The following SHOC1 variants were observed in gnomAD, a reference collection of about 807,000 sequenced individuals.
The protein encoded by SHOC1 is shortage in chiasmata 1.
In SHOC1, 136 loss-of-function variants were observed where a neutral mutation model predicts 179.2. The ratio of observed to expected loss-of-function variants is 0.76; its 90% CI spans 0.66 to 0.87. The LOEUF (loss-of-function observed/expected upper bound fraction) is 0.87, where lower values mean the gene tolerates loss of function less well. Ranked by LOEUF, SHOC1 falls within the 40% of genes least tolerant of loss-of-function variation. The pLI is 0.00. For synonymous variants in SHOC1, 489 were observed against 586.6 expected (o/e 0.83, Z 2.41); for missense variants, 1,538 against 1,700.8 (o/e 0.90, Z 1.68).
intron 4 of SHOC1, among the ~76,000 whole-genome samples, chr9:111,779,400 T>C (rs1835953831): frequency 6.6e-6 from 1 of 152,188 alleles, no homozygotes; most frequent in South Asian, 2.1e-4. Flanking sequence ...AGATGATCTC[T>C]AAGATCTTTT....
intron 5 of SHOC1, among the ~76,000 whole-genome samples, chr9:111,763,407 TATC>T (rs1835222386): frequency 1.3e-5 from 2 of 151,690 alleles, no homozygotes; most frequent in Admixed American, 1.3e-4. Flanking sequence ...GGAAGAAAAA[TATC>T]ATTAAAATTT....
chr9:111,706,804 A>G, intron 19 of SHOC1, 58 bp from the exon 20 acceptor site: 3 of 1,212,494 alleles, frequency 2.5e-6, no homozygotes, highest in South Asian at 3.9e-5. Context: ...ATTTTGTTGA[A>G]CTATTAAAAG....
At chr9:111,743,902 C>A (rs954000942) in intron 10 of SHOC1, among the ~76,000 whole-genome samples, 1 of 152,092 alleles carries the variant, frequency 6.6e-6, no homozygotes, top group African/African-American at 2.4e-5. Flanking sequence ...TTATCTCTTG[C>A]TGGTAAATGT....
At chr9:111,719,047 C>A (rs1832922645) in intron 15 of SHOC1, among the ~76,000 whole-genome samples, 1 of 152,002 alleles carries the variant, frequency 6.6e-6, no homozygotes, top group Admixed American at 6.5e-5. Context: ...AAGATCAAGG[C>A]AAATATGTAG....
At chr9:111,737,074 G>C (rs2131477947) in intron 12 of SHOC1, among the ~76,000 whole-genome samples, 1 of 152,288 alleles carries the variant, frequency 6.6e-6, no homozygotes, top group African/African-American at 2.4e-5. Context: ...AGGCTGGTAA[G>C]GCTGTGGAGA....
At chr9:111,715,026 A>T (rs999109535) in intron 16 of SHOC1, among the ~76,000 whole-genome samples, 19 of 152,198 alleles carry the variant, frequency 1.2e-4, no homozygotes, top group African/African-American at 4.6e-4. Context: ...TTATTTATGT[A>T]TATCACTTAG....
intron 12 of SHOC1, among the ~76,000 whole-genome samples, chr9:111,736,246 C>T (rs1263331100): frequency 1.3e-5 from 2 of 152,076 alleles, no homozygotes; most frequent in African/African-American, 4.8e-5. Flanking sequence ...AAAAAAGAAC[C>T]TGAGTAGACA....
rs1831204795 is a variant in SHOC1, at chr9:111,687,014, C to T, written c.4427-144G>A. ...AGGCTGGAGTGTAGTGGCGCAATCT[C>T]GGCTCACTTGCAACATCTGCCTCCT... On this transcript the variant is annotated intron_variant, in intron 27 of 27. Transcript: ENST00000682961. 5 of 420,058 alleles carry T rather than the reference C, an allele frequency of 1.2e-5. 1 individual carries two copies. Among genetic ancestry groups the T allele is most frequent in the South Asian group, 8.7e-5 (3 of 34,636 alleles). 26.0% of individuals were successfully genotyped at this position (420,058 alleles called of 1,614,324 possible).
chr9:111,762,737 C>T (rs1216422065), intron 5 of SHOC1, among the ~76,000 whole-genome samples: 1 of 152,078 alleles, frequency 6.6e-6, no homozygotes, highest in Non-Finnish European at 1.5e-5. Flanking sequence ...GGAAATGCTT[C>T]TAATATTTCA....
Position 111,786,011 on chromosome 9 carries a change from T to G in SHOC1, c.70A>C (p.Arg24=). The change falls in exon 3 of 28, where the codon AGA becomes CGA. Residue 24 remains arginine, a synonymous_variant. Transcript: ENST00000682961. ...GGGATTCGAAGCAATAAAGCATCTC[T>G]GTAAAACTTCTTTCTAACCACATTC... ...YENVVRKKFY[R]DALLLRIPSC... 6.6e-7 allele frequency: 1 copy of G among 1,508,718 alleles called. No individual in the cohort carries two copies. The highest frequency in any genetic ancestry group is 8.9e-7 in the Non-Finnish European group (1 of 1,129,758). 93.5% of individuals were successfully genotyped at this position (1,508,718 alleles called of 1,614,324 possible). A position where few individuals can be genotyped will look rare whatever the true frequency, so the allele number is the denominator to read the frequency against.
In SHOC1 at chr9:111,686,470, C is replaced by T. The variant is rs1831164819; in HGVS notation, c.*300G>A. On this transcript the variant is annotated 3_prime_UTR_variant, in exon 28 of 28. Coordinates refer to ENST00000682961, the MANE Select transcript of SHOC1 (RefSeq NM_001378211.1). ...GGGTTAACTGTGATGATCTTCACTT[C>T]CTGACTCAAAGGGTCAGACTGTGAT... The T allele has an allele frequency of 5.7e-6, 1 of 175,042 alleles. No homozygotes were observed. The highest frequency in any genetic ancestry group is 1.2e-5 in the Non-Finnish European group (1 of 83,274). The allele number at this position is 175,042 out of a possible 1,614,324, so 10.8% of individuals were successfully genotyped here. A position where few individuals can be genotyped will look rare whatever the true frequency, so the allele number is the denominator to read the frequency against.
At chr9:111,759,122 T>C in intron 5 of SHOC1, 2 of 1,572,180 alleles carry the variant, frequency 1.3e-6, no homozygotes, top group Non-Finnish European at 1.7e-6. Context: ...TCAATAAAGA[T>C]TAATCAATGG....
chr9:111,711,571 G>T (rs12335932), intron 18 of SHOC1, among the ~76,000 whole-genome samples: 8,659 of 152,126 alleles, frequency 0.057, 612 homozygotes, highest in African/African-American at 0.17. Context: ...ATCTTTTCTG[G>T]TCATGTGACA....
chr9:111,765,817 A>C (rs1252350266), intron 5 of SHOC1, among the ~76,000 whole-genome samples: 2 of 151,480 alleles, frequency 1.3e-5, no homozygotes, highest in Non-Finnish European at 2.9e-5. Context: ...AGGTTCAAAC[A>C]ATTCTCCTGC....
At chr9:111,693,421 CAAAAAAAAAAAAA>C (rs59200447) in intron 26 of SHOC1, among the ~76,000 whole-genome samples, 2 of 85,826 alleles carry the variant, frequency 2.3e-5, no homozygotes, top group African/African-American at 8.1e-5. Flanking sequence ...CCCGTTTCTA[CAAAAAAAAAAAAA>C]AAAAAAAAAA....
At chr9:111,787,539 G>T (rs1836304142) in intron 2 of SHOC1, among the ~76,000 whole-genome samples, 1 of 152,148 alleles carries the variant, frequency 6.6e-6, no homozygotes, top group Non-Finnish European at 1.5e-5. Flanking sequence ...CTGAAGTTGT[G>T]GTTGAATTAC....
chr9:111,686,848 T>C lies in SHOC1; in HGVS notation c.4449A>G (p.Pro1483=). 3 of 1,613,052 alleles carry C rather than the reference T, an allele frequency of 1.9e-6. No individual in the cohort carries two copies. The highest frequency in any genetic ancestry group is 1.1e-5 in the South Asian group (1 of 91,068). The part of the protein sequence containing the change: ...SLTGFMCSQL[P]QFKKRRLAYE... ...ATGCTAGACGTCGTTTTTTGAATTG[T>C]GGTAGTTGTGAGCACATAAAACCTG... Residue 1483 remains proline, a synonymous_variant, in exon 28 of 28, where the codon CCA becomes CCG. Transcript: ENST00000682961.
intron 15 of SHOC1, among the ~76,000 whole-genome samples, chr9:111,720,786 T>C (rs544826125): frequency 7.2e-5 from 11 of 152,372 alleles, no homozygotes; most frequent in African/African-American, 2.6e-4. Flanking sequence ...GTTTAGTCTC[T>C]AGAAGTTTGA....
intron 12 of SHOC1, among the ~76,000 whole-genome samples, chr9:111,730,850 CT>C (rs1294763409): frequency 2.0e-5 from 3 of 152,200 alleles, no homozygotes; most frequent in African/African-American, 7.2e-5. Context: ...CTAGATAACA[CT>C]TTCTTCAAAT....
Sources: allele counts gnomAD v4.1 joint callset (sites outside exome capture counted in the v4.1 genomes callset), GRCh38; gene constraint gnomAD v4.1.1; transcripts MANE v1.5; gene names NCBI Gene and HGNC (gene_info 2026-07-23, HGNC 2026-07-21).